The following LEO1 variants were observed in gnomAD, a reference collection of about 807,000 sequenced individuals.
The protein encoded by LEO1 is RNA polymerase-associated protein LEO1.
LEO1 carries 34 observed loss-of-function variants against 80.4 expected under a neutral mutation model. The observed-to-expected ratio is 0.42, with a 90% CI of 0.32 to 0.56. The LOEUF (loss-of-function observed/expected upper bound fraction) is 0.56, where lower values mean the gene tolerates loss of function less well. Among genes scored for constraint, LEO1 ranks in the 20% least tolerant of loss-of-function variants. The probability of loss-of-function intolerance (pLI) is 0.10; values close to 1 mark genes in which losing one functional copy is unlikely to be tolerated. For synonymous variants in LEO1, 262 were observed against 274.9 expected, an observed-to-expected ratio of 0.95 and a Z score of 0.46; for missense variants, 631 against 814.2, an observed-to-expected ratio of 0.77 and a Z score of 2.74.
chr15:51,946,059 C>T (rs2056898457), intron 11 of LEO1, among the ~76,000 whole-genome samples: 1 of 151,836 alleles, frequency 6.6e-6, no homozygotes, highest in Admixed American at 6.6e-5. Context: ...GAAAAATTCT[C>T]AGGGCCTATT....
intron 3 of LEO1, among the ~76,000 whole-genome samples, chr15:51,960,987 T>G (rs991242670): frequency 1.3e-5 from 2 of 152,196 alleles, no homozygotes; most frequent in Non-Finnish European, 1.5e-5. Context: ...TCTCCCACTT[T>G]CCTTTATTCC....
intron 11 of LEO1, among the ~76,000 whole-genome samples, chr15:51,940,464 G>A (rs2056841164): frequency 6.6e-6 from 1 of 151,750 alleles, no homozygotes; most frequent in Admixed American, 6.6e-5. Flanking sequence ...GGGAGGCTGA[G>A]GCAAGGGAAT....
In LEO1 at chr15:51,958,528, C is replaced by T. The variant is rs138007325; in HGVS notation, c.1245+214G>A. On this transcript the variant is annotated intron_variant, in intron 6 of 11. Coordinates refer to ENST00000299601, the MANE Select transcript of LEO1 (RefSeq NM_138792.4). Reference sequence around the variant, plus strand: ...AAGATTAGAGGCCCTCCTTTGATAGCGTGACCAGATGGTATAAGGTATCAA... The same window carrying T: ...AAGATTAGAGGCCCTCCTTTGATAGTGTGACCAGATGGTATAAGGTATCAA... 2.6e-3 allele frequency among the ~76,000 whole-genome samples: 391 copies of T among 152,204 alleles called. 1 individual carries two copies. The highest frequency in any genetic ancestry group is 8.6e-3 in the African/African-American group (359 of 41,542).
Position 51,965,943 on chromosome 15 carries a change from T to C in LEO1, c.620A>G (p.Glu207Gly), listed in dbSNP as rs2141779804. Residue 207 changes from glutamate to glycine, a missense_variant, in exon 2 of 12, where the codon GAG (glutamate) becomes GGG (glycine). By Grantham distance (98) the Glu-to-Gly change is moderately conservative. This residue lies in a region of LEO1 where 394 missense variants were observed against 395.6 expected (regional missense o/e 1.00). Coordinates refer to ENST00000299601, the MANE Select transcript of LEO1 (RefSeq NM_138792.4). Reference sequence around the variant, plus strand: ...TTCATCATCAGAATTAGCCTTTTCCTCCTCAGATAGCTGTTGTCTCTCATC... The same window carrying C: ...TTCATCATCAGAATTAGCCTTTTCCCCCTCAGATAGCTGTTGTCTCTCATC... ...SDDERQQLSE[E>G]EKANSDDERP... The C allele has an allele frequency of 6.2e-7, 1 of 1,614,102 alleles. No individual in the cohort carries two copies. The highest frequency in any genetic ancestry group is 8.5e-7 in the Non-Finnish European group (1 of 1,179,964).
intron 1 of LEO1, among the ~76,000 whole-genome samples, chr15:51,969,768 G>C (rs1356402718): frequency 2.0e-5 from 3 of 151,286 alleles, no homozygotes. Flanking sequence ...CTTGAACCCG[G>C]AGGCGGAGGT....
At chr15:51,971,602 C>T in intron 1 of LEO1, 86 bp downstream of exon 1, 2 of 1,403,882 alleles carry the variant, frequency 1.4e-6, no homozygotes, top group South Asian at 1.1e-5. Context: ...CACCTCTTGC[C>T]CGCGGCGCTG....
In LEO1 at chr15:51,938,256, C is replaced by T. The variant is rs751646820; in HGVS notation, c.1901G>A (p.Gly634Asp). The T allele has an allele frequency of 3.2e-6, 5 of 1,566,148 alleles. No homozygotes were observed. The highest frequency in any genetic ancestry group is 3.5e-5 in the Admixed American group (2 of 56,666). Reference protein sequence around the residue: ...KAKKLTSDEEGEPSGKRKAED... With the variant: ...KAKKLTSDEEDEPSGKRKAED... ...TGCTTTTCTCTTTCCGGAAGGTTCA[C>T]CTTCCTAAACAGATACAATTTTTAC... The change falls in exon 12 of 12, where the codon GGT becomes GAT. Residue 634 changes from glycine to aspartate, a missense_variant. By Grantham distance (94) the Gly-to-Asp change is moderately conservative. Coordinates refer to ENST00000299601, the MANE Select transcript of LEO1 (RefSeq NM_138792.4).
At chr15:51,962,834 A>C (rs969376440) in intron 2 of LEO1, among the ~76,000 whole-genome samples, 1 of 152,126 alleles carries the variant, frequency 6.6e-6, no homozygotes, top group Non-Finnish European at 1.5e-5. Flanking sequence ...GGAGTTTTTC[A>C]GTGTGACAGC....
At chr15:51,964,205 C>CA (rs962340145) in intron 2 of LEO1, among the ~76,000 whole-genome samples, 114 of 122,142 alleles carry the variant, frequency 9.3e-4, no homozygotes, top group Non-Finnish European at 1.0e-3. Flanking sequence ...GACTCCGTCT[C>CA]AAAAAAAAAA....
At chr15:51,969,284 G>A (rs2057103519) in intron 1 of LEO1, among the ~76,000 whole-genome samples, 1 of 151,634 alleles carries the variant, frequency 6.6e-6, no homozygotes, top group Non-Finnish European at 1.5e-5. Context: ...TAAAACAGAG[G>A]ACTTGAATAG....
At chr15:51,958,580 C>T (rs991181909) in intron 6 of LEO1, among the ~76,000 whole-genome samples, 162 bp downstream of exon 6, 2 of 152,140 alleles carry the variant, frequency 1.3e-5, no homozygotes, top group Non-Finnish European at 2.9e-5. Context: ...GAATTTAGTA[C>T]AATAAAATTC....
intron 2 of LEO1, among the ~76,000 whole-genome samples, chr15:51,964,529 C>T (rs754779491): frequency 6.8e-6 from 1 of 147,060 alleles, no homozygotes; most frequent in African/African-American, 2.5e-5. Context: ...TGCACATGTA[C>T]CCTAGAACTT....
chr15:51,950,388 C>T (rs1345754558), intron 9 of LEO1, among the ~76,000 whole-genome samples: 9 of 152,214 alleles, frequency 5.9e-5, no homozygotes, highest in Non-Finnish European at 8.8e-5. Flanking sequence ...CCCTGAACCA[C>T]AGACAACTGA....
At chr15:51,950,420 T>A (rs527692191) in intron 9 of LEO1, among the ~76,000 whole-genome samples, 18 of 152,172 alleles carry the variant, frequency 1.2e-4, no homozygotes, top group African/African-American at 4.1e-4. Context: ...TCTACCAAAC[T>A]CCCATAGTTC....
intron 11 of LEO1, among the ~76,000 whole-genome samples, chr15:51,946,492 C>T (rs937522905): frequency 3.9e-5 from 6 of 152,100 alleles, no homozygotes; most frequent in African/African-American, 7.2e-5. Context: ...CCACCATGCC[C>T]GGCCAAATAC....
intron 5 of LEO1, 28 bp downstream of exon 5, chr15:51,959,871 C>T (rs1313499699): frequency 6.5e-7 from 1 of 1,535,226 alleles, no homozygotes; most frequent in Non-Finnish European, 8.8e-7. Flanking sequence ...ACTCAACATC[C>T]TGAAAAAATT....
chr15:51,959,359 A>G (rs1034293672), intron 5 of LEO1, among the ~76,000 whole-genome samples: 10 of 152,278 alleles, frequency 6.6e-5, no homozygotes, highest in Middle Eastern at 3.4e-3. Flanking sequence ...AATAAAGTAC[A>G]AGCAAGGGTA....
Position 51,958,836 on chromosome 15 carries a change from GT to G in LEO1, c.1161-11del. ...CTGAGGATCAAAAGGTCTACAAATT[GT>G]TTTCCAAATAAACTATTAATCATAT... On this transcript the variant is annotated splice_polypyrimidine_tract_variant and intron_variant, in intron 5 of 11. Transcript: ENST00000299601. The G allele has an allele frequency of 6.8e-7, 1 of 1,464,222 alleles. No individual in the cohort carries two copies. The highest frequency in any genetic ancestry group is 9.4e-7 in the Non-Finnish European group (1 of 1,065,388). The allele number at this position is 1,464,222 out of a possible 1,614,324, so 90.7% of individuals were successfully genotyped here. A position where few individuals can be genotyped will look rare whatever the true frequency, so the allele number is the denominator to read the frequency against.
intron 1 of LEO1, among the ~76,000 whole-genome samples, chr15:51,967,774 C>A (rs542140889): frequency 7.0e-4 from 106 of 152,148 alleles, no homozygotes; most frequent in Non-Finnish European, 1.1e-3. Flanking sequence ...GACTGTCAAC[C>A]AAGAATTTTA....
Sources: allele counts gnomAD v4.1 joint callset (sites outside exome capture counted in the v4.1 genomes callset), GRCh38; gene constraint gnomAD v4.1.1; regional missense constraint gnomAD v4.1.1; transcripts MANE v1.5; gene names NCBI Gene and HGNC (gene_info 2026-07-23, HGNC 2026-07-21).